Variants in ANKRD6 observed in about 807,000 individuals in gnomAD.
ANKRD6 encodes ankyrin repeat domain-containing protein 6.
A neutral mutation model predicts 82.3 loss-of-function variants in ANKRD6; 56 were observed. That is an observed-to-expected ratio of 0.68 (90% CI 0.55 to 0.85). The LOEUF (loss-of-function observed/expected upper bound fraction) is 0.85, where lower values mean the gene tolerates loss of function less well. ANKRD6 is among the 40% of genes least tolerant of loss of function. ANKRD6 has a pLI of 0.00. For synonymous variants in ANKRD6, 347 were observed against 352.1 expected (o/e 0.99, Z 0.16); for missense variants, 852 against 907.6 (o/e 0.94, Z 0.79).
chr6:89,613,962 A>G, intron 7 of ANKRD6, 72 bp downstream of exon 7: 1 of 1,489,788 alleles, frequency 6.7e-7, no homozygotes, highest in Non-Finnish European at 9.2e-7. Flanking sequence ...CTGTTAGTGC[A>G]AACGGGAGCA....
chr6:89,569,961 G>T (rs1374644469), intron 2 of ANKRD6, among the ~76,000 whole-genome samples: 1 of 152,046 alleles, frequency 6.6e-6, no homozygotes, highest in East Asian at 1.9e-4. Flanking sequence ...TATTTCCAAT[G>T]AATATGTATG....
chr6:89,580,435 T>G lies in ANKRD6; in HGVS notation c.120+13339T>G, dbSNP rs191925495. Among the ~76,000 whole-genome samples the G allele has an allele frequency of 3.9e-4, 59 of 152,272 alleles. 1 individual carries two copies. The East Asian group carries it at 0.01, about 27-fold the overall frequency. On this transcript the variant is annotated intron_variant, in intron 2 of 15. Coordinates refer to ENST00000339746, the MANE Select transcript of ANKRD6 (RefSeq NM_001242809.2). ...AGTAAAGTAGTAACTTTCCCCAGCA[T>G]GAGCACCTGATGATGTTTTCAGAAA...
intron 1 of ANKRD6, among the ~76,000 whole-genome samples, chr6:89,506,335 T>G (rs1228151825): frequency 2.0e-5 from 3 of 152,184 alleles, no homozygotes; most frequent in African/African-American, 7.2e-5. Context: ...TTTTTATTTT[T>G]TGAGATGGAG....
intron 1 of ANKRD6, among the ~76,000 whole-genome samples, chr6:89,501,330 CT>C (rs773268162): frequency 3.3e-5 from 5 of 152,234 alleles, no homozygotes; most frequent in Non-Finnish European, 7.3e-5. Flanking sequence ...TCTTCTGTGT[CT>C]CCCTTCCTCA....
At chr6:89,609,850 T>G (rs574473079) in intron 5 of ANKRD6, among the ~76,000 whole-genome samples, 1 of 152,142 alleles carries the variant, frequency 6.6e-6, no homozygotes, top group African/African-American at 2.4e-5. Context: ...GATCTTGTGA[T>G]CCACCCACCT....
At chr6:89,524,076 G>A (rs73752769) in intron 1 of ANKRD6, among the ~76,000 whole-genome samples, 2,451 of 152,262 alleles carry the variant, frequency 0.016, 70 homozygotes, top group African/African-American at 0.056. Flanking sequence ...TGGCAGGAAA[G>A]GAAAGGGCCA....
At chr6:89,511,607 A>T (rs1391510385) in intron 1 of ANKRD6, among the ~76,000 whole-genome samples, 1 of 152,238 alleles carries the variant, frequency 6.6e-6, no homozygotes, top group African/African-American at 2.4e-5. Flanking sequence ...TGGGCATATG[A>T]ATAGTAATAT....
intron 1 of ANKRD6, among the ~76,000 whole-genome samples, chr6:89,546,630 A>G (rs898912267): frequency 2.0e-5 from 3 of 151,916 alleles, no homozygotes; most frequent in Admixed American, 2.0e-4. Context: ...TGCCTGGTTA[A>G]TTTTGTATTT....
At chr6:89,596,077 C>A in intron 3 of ANKRD6, 63 bp downstream of exon 3, 1 of 1,400,618 alleles carries the variant, frequency 7.1e-7, no homozygotes, top group Non-Finnish European at 9.9e-7. Flanking sequence ...GCTAGAAATC[C>A]ACAAAGTGTA....
Position 89,621,976 on chromosome 6 carries a change from G to A in ANKRD6, c.847G>A (p.Glu283Lys), listed in dbSNP as rs1217756602. 2 of 1,613,094 alleles carry A rather than the reference G, an allele frequency of 1.2e-6. No homozygotes were observed. Among genetic ancestry groups the A allele is most frequent in the Non-Finnish European group, 1.7e-6 (2 of 1,179,898 alleles). The stretch of plus-strand genomic sequence containing the variant: ...GAGGAAAAAGAGAGAGAGGCTCAAG[G>A]AAGAGAGGAGAGCCCAGTCTGTGCC... ...SLRKKRERLK[E>K]ERRAQSVPRD... The change falls in exon 10 of 16, where the codon GAA becomes AAA. Residue 283 changes from glutamate (E) to lysine (K), a missense_variant. By Grantham distance (56) the Glu-to-Lys change is moderately conservative. Coordinates refer to ENST00000339746, the MANE Select transcript of ANKRD6 (RefSeq NM_001242809.2).
chr6:89,613,264 A>C (rs1434525127), intron 6 of ANKRD6, among the ~76,000 whole-genome samples: 1 of 152,110 alleles, frequency 6.6e-6, no homozygotes, highest in African/African-American at 2.4e-5. Context: ...AGCTCCATAT[A>C]GGATATTGGG....
intron 1 of ANKRD6, among the ~76,000 whole-genome samples, chr6:89,490,879 A>G (rs1222469417): frequency 6.6e-6 from 1 of 152,166 alleles, no homozygotes; most frequent in African/African-American, 2.4e-5. Context: ...GAGCCTGTGA[A>G]TATTCCCTTA....
At chr6:89,557,112 G>A (rs533263414) in intron 1 of ANKRD6, among the ~76,000 whole-genome samples, 1 of 152,292 alleles carries the variant, frequency 6.6e-6, no homozygotes, top group East Asian at 1.9e-4. Flanking sequence ...CACAGGAAAA[G>A]GAACAGGTTT....
rs571956522 is a variant in ANKRD6 at position 89,518,854 on chromosome 6, A to G, written c.-143-47980A>G. ...CACAGACTGGATGGCTTAAATGACA[A>G]ACAGAAATGTGTTGTCTCACACTCC... On this transcript the variant is annotated intron_variant, in intron 1 of 15. Transcript: ENST00000339746. Among the ~76,000 whole-genome samples the G allele has an allele frequency of 3.1e-4, 47 of 152,304 alleles. No individual in the cohort carries two copies. In the South Asian group the frequency reaches 9.5e-3, roughly 31 times the overall value.
chr6:89,617,654 T>G (rs1369022718), intron 8 of ANKRD6, among the ~76,000 whole-genome samples: 1 of 152,250 alleles, frequency 6.6e-6, no homozygotes, highest in African/African-American at 2.4e-5. Flanking sequence ...GAAGCACTCC[T>G]TGGTGGGTGG....
Position 89,573,350 on chromosome 6 carries a change from G to A in ANKRD6, c.120+6254G>A, listed in dbSNP as rs563610902. 6.6e-5 allele frequency among the ~76,000 whole-genome samples: 10 copies of A among 152,186 alleles called. No individual in the cohort carries two copies. The South Asian group carries it at 1.7e-3, about 25-fold the overall frequency. ...ATTTGATTTAAATTTATTGGTAAAT[G>A]TTTCATCTACTATCTGATAACTCTG... On this transcript the variant is annotated intron_variant, in intron 2 of 15. Coordinates refer to ENST00000339746, the MANE Select transcript of ANKRD6 (RefSeq NM_001242809.2).
chr6:89,631,053 G>A lies in ANKRD6; in HGVS notation c.*49G>A. On this transcript the variant is annotated 3_prime_UTR_variant, in exon 16 of 16. Coordinates refer to ENST00000339746, the MANE Select transcript of ANKRD6 (RefSeq NM_001242809.2). ...AGGATTCTTGAAGATTTCCAGTTTT[G>A]CAACTGCATAATAGCTATGCCCAAG... The A allele has an allele frequency of 6.9e-7, 1 of 1,459,266 alleles. No individual in the cohort carries two copies. Among genetic ancestry groups the A allele is most frequent in the Non-Finnish European group, 9.0e-7 (1 of 1,111,388 alleles). 90.4% of individuals were successfully genotyped at this position (1,459,266 alleles called of 1,614,324 possible).
chr6:89,623,880 A>G lies in ANKRD6; in HGVS notation c.1041A>G (p.Ala347=), dbSNP rs17292811. ...RRRKSRPKVS[A]FSDPTPPADQ... ...CTCTTCCTCTCTTACAGGTGTCAGC[A>G]TTTTCTGACCCCACCCCACCAGCCG... The change falls in exon 12 of 16, where the codon GCA becomes GCG. Residue 347 remains alanine, a synonymous_variant. Coordinates refer to ENST00000339746, the MANE Select transcript of ANKRD6 (RefSeq NM_001242809.2). The G allele has an allele frequency of 0.85, 1,365,585 of 1,612,574 alleles. 579,499 individuals carry two copies. Among genetic ancestry groups the G allele is most frequent in the East Asian group, 1 (44,794 of 44,868 alleles).
intron 1 of ANKRD6, among the ~76,000 whole-genome samples, chr6:89,438,300 A>G (rs1159177156): frequency 2.6e-5 from 4 of 152,162 alleles, no homozygotes; most frequent in African/African-American, 9.7e-5. Context: ...TGACTCAGGG[A>G]TCAAGGTTCA....
Sources: gnomAD v4.1 joint callset for allele counts (sites outside exome capture counted in the v4.1 genomes callset) on GRCh38, gnomAD v4.1.1 for gene constraint, MANE v1.5 for transcripts, NCBI Gene and HGNC (gene_info 2026-07-23, HGNC 2026-07-21) for gene names.